USP21: variants seen among roughly 807,000 people sequenced by gnomAD.
USP21 encodes the protein ubiquitin carboxyl-terminal hydrolase 21.
Under a neutral mutation model 70.8 loss-of-function variants are expected in USP21, and 37 were observed. The ratio of observed to expected loss-of-function variants is 0.52; its 90% CI spans 0.40 to 0.69. The LOEUF is 0.69. Ranked by LOEUF, USP21 falls within the 30% of genes least tolerant of loss-of-function variation. USP21 has a pLI of 0.00. For missense variants in USP21, 584 were observed against 740.8 expected, an observed-to-expected ratio of 0.79 and a Z score of 2.46; for synonymous variants, 263 against 283.1, an observed-to-expected ratio of 0.93 and a Z score of 0.71.
At position 161,160,902 on chromosome 1, in the gene USP21, G is replaced by A; in HGVS notation, c.262G>A (p.Val88Ile). 2.5e-6 allele frequency: 4 copies of A among 1,614,190 alleles called. No individual in the cohort carries two copies. Among genetic ancestry groups the A allele is most frequent in the Non-Finnish European group, 3.4e-6 (4 of 1,180,022 alleles). Residue 88 changes from valine to isoleucine, a missense_variant, in exon 3 of 14, where the codon GTT (valine) becomes ATT (isoleucine). Physicochemically the swap from Val to Ile is conservative, Grantham distance 29. Transcript: ENST00000368002. ...AGGCCCCCTTCGAGCAGATCATGGGGTTCCCCTGCCTGGCTCACCACCCCC... is the reference window on the plus strand; with the variant it reads ...AGGCCCCCTTCGAGCAGATCATGGGATTCCCCTGCCTGGCTCACCACCCCC... ...PRGPLRADHG[V>I]PLPGSPPPTV...
chr1:161,160,895 T>G lies in USP21; in HGVS notation c.255T>G (p.Asp85Glu). The G allele has an allele frequency of 6.2e-7, 1 of 1,614,216 alleles. No homozygotes were observed. The highest frequency in any genetic ancestry group is 1.1e-5 in the South Asian group (1 of 91,082). ...GPRPRGPLRA[D>E]HGVPLPGSPP... Reference sequence around the variant, plus strand: ...GTCCCAGAGGCCCCCTTCGAGCAGATCATGGGGTTCCCCTGCCTGGCTCAC... The same window carrying G: ...GTCCCAGAGGCCCCCTTCGAGCAGAGCATGGGGTTCCCCTGCCTGGCTCAC... The change falls in exon 3 of 14, where the codon GAT (aspartate) becomes GAG (glutamate). Residue 85 changes from aspartate to glutamate, a missense_variant. Asp to Glu is a conservative substitution (Grantham distance 45, BLOSUM62 2). This residue lies in a region of USP21 where 284 missense variants were observed against 281.0 expected (regional missense o/e 1.01). Coordinates refer to ENST00000368002, the MANE Select transcript of USP21 (RefSeq NM_001014443.3).
In USP21 at chr1:161,162,112, C is replaced by T. The variant is rs936029028; in HGVS notation, c.660+15C>T. The stretch of plus-strand genomic sequence containing the variant: ...TGGGAAACACGGTGAGAGCTATTCT[C>T]CTATCTTTCCTCTCTAAAAGGAATG... On this transcript the variant is annotated intron_variant, in intron 4 of 13. Coordinates refer to ENST00000368002, the MANE Select transcript of USP21 (RefSeq NM_001014443.3). The surrounding 1 kb of genome is among the most constrained non-coding windows in gnomAD (Gnocchi z 4.1). The T allele has an allele frequency of 1.2e-6, 2 of 1,613,900 alleles. No individual in the cohort carries two copies. Among genetic ancestry groups the T allele is most frequent in the African/African-American group, 2.7e-5 (2 of 74,896 alleles).
intron 1 of USP21, among the ~76,000 whole-genome samples, chr1:161,160,144 T>A (rs1423732316): frequency 6.6e-6 from 1 of 151,992 alleles, no homozygotes; most frequent in Non-Finnish European, 1.5e-5. Context: ...TTGGCTAGGG[T>A]CTTAAGTGAC....
chr1:161,162,263 T>A lies in USP21; in HGVS notation c.661-7T>A. ...GAGATAACAGCAGTGTCCCTACTGC[T>A]CCCCAGTGCTTCCTGAATGCTGTGC... On this transcript the variant is annotated splice_polypyrimidine_tract_variant and splice_region_variant and intron_variant, in intron 4 of 13. Transcript: ENST00000368002. The surrounding 1 kb of genome is among the most constrained non-coding windows in gnomAD (Gnocchi z 4.1). The A allele has an allele frequency of 6.2e-7, 1 of 1,606,812 alleles. No homozygotes were observed. The highest frequency in any genetic ancestry group is 1.1e-5 in the South Asian group (1 of 90,398).
At position 161,165,113 on chromosome 1, in the gene USP21, A is replaced by G; in HGVS notation, c.1577A>G (p.Gln526Arg). ...YGHYTALCRC[Q>R]TGWHVYNDSR... ...CACTACACAGCCCTGTGCCGGTGCC[A>G]GACTGGTTGGCATGTCTACAATGAC... The change falls in exon 13 of 14, where the codon CAG (glutamine) becomes CGG (arginine). Residue 526 changes from glutamine to arginine, a missense_variant. Gln to Arg is a conservative substitution (Grantham distance 43). This residue lies in a region of USP21 where 173 missense variants were observed against 268.2 expected (regional missense o/e 0.65). Coordinates refer to ENST00000368002, the MANE Select transcript of USP21 (RefSeq NM_001014443.3). The G allele has an allele frequency of 6.2e-7, 1 of 1,613,946 alleles. No homozygotes were observed. Among genetic ancestry groups the G allele is most frequent in the Non-Finnish European group, 8.5e-7 (1 of 1,179,982 alleles).
Position 161,161,371 on chromosome 1 carries a change from C to A in USP21, c.600+131C>A. 3.3e-6 allele frequency: 4 copies of A among 1,210,644 alleles called. No individual in the cohort carries two copies. The highest frequency in any genetic ancestry group is 4.6e-6 in the Non-Finnish European group (4 of 878,482). The allele number at this position is 1,210,644 out of a possible 1,614,324, so 75.0% of individuals were successfully genotyped here. ...CCTTCATTACAGCAGTTTGGACATG[C>A]CTCTCCCTTGCTTAAATACCCTTGA... On this transcript the variant is annotated intron_variant, in intron 3 of 13. Coordinates refer to ENST00000368002, the MANE Select transcript of USP21 (RefSeq NM_001014443.3). This position sits in a 1 kb window ranked among gnomAD's most constrained non-coding sequence, Gnocchi z 4.2.
rs779643389 is a variant in USP21, at chr1:161,165,339, G to A, written c.1608-18G>A. On this transcript the variant is annotated intron_variant, in intron 13 of 13. Transcript: ENST00000368002. The stretch of plus-strand genomic sequence containing the variant: ...ACAGGAATGACCACAACCCTTTCCC[G>A]ATCTCCTTTTTTCCTAGTGTCTCCC... 6.2e-7 allele frequency: 1 copy of A among 1,610,638 alleles called. No individual in the cohort carries two copies. The highest frequency in any genetic ancestry group is 8.5e-7 in the Non-Finnish European group (1 of 1,176,876).
chr1:161,162,990 G>T lies in USP21; in HGVS notation c.965G>T (p.Arg322Leu). Residue 322 changes from arginine to leucine, a missense_variant, in exon 7 of 14, where the codon CGC (arginine) becomes CTC (leucine). By Grantham distance (102) the Arg-to-Leu change is moderately radical. This residue lies in a region of USP21 where 87 missense variants were observed against 162.4 expected (regional missense o/e 0.54). Transcript: ENST00000368002. The surrounding 1 kb of genome is among the most constrained non-coding windows in gnomAD (Gnocchi z 4.1). Reference protein sequence around the residue: ...RLHLEINRRGRRAPPILANGP... With the variant: ...RLHLEINRRGLRAPPILANGP... ...CACCTTGAAATCAACCGCCGAGGCC[G>T]CCGGGCTCCACCGATACTTGCCAAT... The T allele has an allele frequency of 1.9e-6, 3 of 1,613,816 alleles. No homozygotes were observed. The highest frequency in any genetic ancestry group is 2.5e-6 in the Non-Finnish European group (3 of 1,179,902).
At position 161,164,602 on chromosome 1, in the gene USP21, C is replaced by A; in HGVS notation, c.1374C>A (p.Ile458=). The change falls in exon 11 of 14, where the codon ATC becomes ATA. Residue 458 remains isoleucine, a synonymous_variant. Transcript: ENST00000368002. This position sits in a 1 kb window ranked among gnomAD's most constrained non-coding sequence, Gnocchi z 4.2. The part of the protein sequence containing the change: ...KKLTVQRFPR[I]LVLHLNRFSA... ...TGACAGTACAAAGATTCCCTCGAAT[C>A]CTCGTGCTCCATATCCTAATCTTCA... is the stretch of plus-strand genomic sequence containing the variant. 6.2e-7 allele frequency: 1 copy of A among 1,614,166 alleles called. No individual in the cohort carries two copies. The highest frequency in any genetic ancestry group is 1.3e-5 in the African/African-American group (1 of 75,048).
In USP21 at chr1:161,164,989, C is replaced by T; in HGVS notation, c.1493-40C>T. 6.2e-7 allele frequency: 1 copy of T among 1,612,906 alleles called. No individual in the cohort carries two copies. The highest frequency in any genetic ancestry group is 8.5e-7 in the Non-Finnish European group (1 of 1,178,992). ...CTAAGGAGCCAAAGGAGTGGGGGCA[C>T]AGCTCTGATTATAGAACTTGATCAT... On this transcript the variant is annotated intron_variant, in intron 12 of 13. Coordinates refer to ENST00000368002, the MANE Select transcript of USP21 (RefSeq NM_001014443.3). This position sits in a 1 kb window ranked among gnomAD's most constrained non-coding sequence, Gnocchi z 4.2.
Position 161,163,025 on chromosome 1 carries a change from C to G in USP21, c.1000C>G (p.Pro334Ala). The change falls in exon 7 of 14, where the codon CCC becomes GCC. Residue 334 changes from proline (P) to alanine (A), a missense_variant. Physicochemically the swap from Pro to Ala is conservative, Grantham distance 27. Around this residue, in one of 4 missense-constraint regions of USP21, gnomAD observed 40 missense variants for 29.3 expected, o/e 1.37. Transcript: ENST00000368002. ...APPILANGPV[P>A]SPPRRGGALL... ...ACCGATACTTGCCAATGGTCCAGTT[C>G]CCTCTCCACCCCGCCGAGGAGGGGC... is the stretch of plus-strand genomic sequence containing the variant. The G allele has an allele frequency of 6.2e-7, 1 of 1,613,362 alleles. No homozygotes were observed. Among genetic ancestry groups the G allele is most frequent in the Non-Finnish European group, 8.5e-7 (1 of 1,179,738 alleles).
Position 161,165,142 on chromosome 1 carries a change from C to T in USP21, c.1606C>T (p.Arg536Cys), listed in dbSNP as rs770318696. Residue 536 changes from arginine (R) to cysteine (C), a missense_variant and splice_region_variant, in exon 13 of 14, where the codon CGT becomes TGT. Physicochemically the swap from Arg to Cys is radical, Grantham distance 180. This residue lies in a region of USP21 where 173 missense variants were observed against 268.2 expected (regional missense o/e 0.65). Coordinates refer to ENST00000368002, the MANE Select transcript of USP21 (RefSeq NM_001014443.3). ...TGGTTGGCATGTCTACAATGACTCT[C>T]GGTGAGAATAGCCTCCTATTTACAT... is the stretch of plus-strand genomic sequence containing the variant. ...QTGWHVYNDS[R>C]VSPVSENQVA... 17 of 1,612,768 alleles carry T rather than the reference C, an allele frequency of 1.1e-5. 1 individual carries two copies. In the South Asian group the frequency reaches 1.2e-4, roughly 11 times the overall value.
intron 7 of USP21, 50 bp from the exon 8 acceptor site, chr1:161,163,505 G>A: frequency 6.3e-7 from 1 of 1,575,170 alleles, no homozygotes; most frequent in East Asian, 2.2e-5. Context: ...GGGGTGCCCA[G>A]TGTTCCTGCT....
At position 161,162,000 on chromosome 1, in the gene USP21, A is replaced by G. The variant is rs1657962003; in HGVS notation, c.601-38A>G. 2.5e-6 allele frequency: 4 copies of G among 1,606,778 alleles called. No homozygotes were observed. The highest frequency in any genetic ancestry group is 1.1e-5 in the South Asian group (1 of 90,896). The stretch of plus-strand genomic sequence containing the variant: ...TTGAAAGGTTAAAGTGCCAGGTAGG[A>G]TATATAGGAACTTGCCGATTGTACT... On this transcript the variant is annotated intron_variant, in intron 3 of 13. Coordinates refer to ENST00000368002, the MANE Select transcript of USP21 (RefSeq NM_001014443.3). The surrounding 1 kb of genome is among the most constrained non-coding windows in gnomAD (Gnocchi z 4.2).
In USP21 at chr1:161,164,428, C is replaced by G. The variant is rs1042871737; in HGVS notation, c.1306-106C>G. 3.5e-6 allele frequency: 5 copies of G among 1,448,026 alleles called. No individual in the cohort carries two copies. In the African/African-American group the frequency reaches 7.0e-5, roughly 20 times the overall value. The allele number at this position is 1,448,026 out of a possible 1,614,324, so 89.7% of individuals were successfully genotyped here. ...AGCAAAGGGGAGAAGCCAAGAGGAT[C>G]CAGCTGTAATGAAGAGCATACTAAA... is the stretch of plus-strand genomic sequence containing the variant. On this transcript the variant is annotated intron_variant, in intron 10 of 13. Transcript: ENST00000368002. The surrounding 1 kb of genome is among the most constrained non-coding windows in gnomAD (Gnocchi z 4.2).
In USP21 at chr1:161,164,049, G is replaced by A; in HGVS notation, c.1218+68G>A. ...TGTGACCCAAGCCTACCCACCCCCA[G>A]AGTGTGGGCGGGAACCCTGTGGGTT... On this transcript the variant is annotated intron_variant, in intron 9 of 13. Transcript: ENST00000368002. This position sits in a 1 kb window ranked among gnomAD's most constrained non-coding sequence, Gnocchi z 4.2. 1 of 1,581,418 alleles carries A rather than the reference G, an allele frequency of 6.3e-7. No homozygotes were observed. Among genetic ancestry groups the A allele is most frequent in the Non-Finnish European group, 8.7e-7 (1 of 1,150,676 alleles).
chr1:161,161,188 T>G lies in USP21; in HGVS notation c.548T>G (p.Phe183Cys). 6.2e-7 allele frequency: 1 copy of G among 1,613,236 alleles called. No individual in the cohort carries two copies. The highest frequency in any genetic ancestry group is 8.5e-7 in the Non-Finnish European group (1 of 1,179,422). ...GAGCCCCCTGCTTCCCATGGCTCCTTCCACATGATATCCGCCCGGTCCTCT... is the reference window on the plus strand; with the variant it reads ...GAGCCCCCTGCTTCCCATGGCTCCTGCCACATGATATCCGCCCGGTCCTCT... ...RTEPPASHGS[F>C]HMISARSSEP... The change falls in exon 3 of 14, where the codon TTC (phenylalanine) becomes TGC (cysteine). Residue 183 changes from phenylalanine (F) to cysteine (C), a missense_variant. Phe to Cys is a radical substitution (Grantham distance 205). Around this residue, in one of 4 missense-constraint regions of USP21, gnomAD observed 284 missense variants for 281.0 expected, o/e 1.01. Transcript: ENST00000368002. This position sits in a 1 kb window ranked among gnomAD's most constrained non-coding sequence, Gnocchi z 4.2.
chr1:161,161,364 G>T lies in USP21; in HGVS notation c.600+124G>T. 7.9e-7 allele frequency: 1 copy of T among 1,261,902 alleles called. No homozygotes were observed. The highest frequency in any genetic ancestry group is 1.1e-6 in the Non-Finnish European group (1 of 921,958). The allele number at this position is 1,261,902 out of a possible 1,614,324, so 78.2% of individuals were successfully genotyped here. A position where few individuals can be genotyped will look rare whatever the true frequency, so the allele number is the denominator to read the frequency against. Reference sequence around the variant, plus strand: ...TCTCAGCCCTTCATTACAGCAGTTTGGACATGCCTCTCCCTTGCTTAAATA... The same window carrying T: ...TCTCAGCCCTTCATTACAGCAGTTTTGACATGCCTCTCCCTTGCTTAAATA... On this transcript the variant is annotated intron_variant, in intron 3 of 13. Coordinates refer to ENST00000368002, the MANE Select transcript of USP21 (RefSeq NM_001014443.3). The surrounding 1 kb of genome is among the most constrained non-coding windows in gnomAD (Gnocchi z 4.2).
At position 161,162,646 on chromosome 1, in the gene USP21, C is replaced by T. The variant is rs1271190505; in HGVS notation, c.813C>T (p.His271=). The change falls in exon 6 of 14, where the codon CAC becomes CAT. Residue 271 remains histidine, a synonymous_variant. Coordinates refer to ENST00000368002, the MANE Select transcript of USP21 (RefSeq NM_001014443.3). The surrounding 1 kb of genome is among the most constrained non-coding windows in gnomAD (Gnocchi z 4.1). The part of the protein sequence containing the change: ...AFADVIGALW[H]PDSCEAVNPT... ...CAGATGTGATTGGTGCCCTCTGGCA[C>T]CCTGACTCCTGCGAAGCTGTGAATC... 1 of 1,614,134 alleles carries T rather than the reference C, an allele frequency of 6.2e-7. No individual in the cohort carries two copies. Among genetic ancestry groups the T allele is most frequent in the Non-Finnish European group, 8.5e-7 (1 of 1,179,972 alleles).
Sources: gnomAD v4.1 joint callset for allele counts (sites outside exome capture counted in the v4.1 genomes callset) on GRCh38, gnomAD v4.1.1 for gene constraint, gnomAD v4.1.1 regional missense constraint, Gnocchi (gnomAD v3.1) non-coding constraint, MANE v1.5 for transcripts, NCBI Gene and HGNC (gene_info 2026-07-23, HGNC 2026-07-21) for gene names.